The following CLVS1 variants were observed in gnomAD, a reference collection of about 807,000 sequenced individuals.
The protein encoded by CLVS1 is clavesin-1.
CLVS1 carries 10 observed loss-of-function variants against 33.1 expected under a neutral mutation model. The ratio of observed to expected loss-of-function variants is 0.30; its 90% confidence interval spans 0.19 to 0.51. The LOEUF is 0.51. Ranked by LOEUF, CLVS1 falls within the 20% of genes least tolerant of loss-of-function variation. The pLI is 0.97. For missense variants in CLVS1, 343 were observed against 433.4 expected (o/e 0.79, Z 1.85); for synonymous variants, 163 against 166.1 (o/e 0.98, Z 0.14).
At chr8:61,499,420 T>C (rs770100779) in intron 5 of CLVS1, 35 bp from the exon 6 acceptor site, 1 of 1,474,762 alleles carries the variant, frequency 6.8e-7, no homozygotes, top group Admixed American at 1.7e-5. Flanking sequence ...CATGAATTGT[T>C]TGTAATTCTG....
At chr8:61,045,626 T>C in the CLVS1 span, among the ~76,000 whole-genome samples, 1 of 152,218 alleles carries the variant, frequency 6.6e-6, no homozygotes, top group Non-Finnish European at 1.5e-5. Context: ...GTAGCTAATA[T>C]ACCTAGACGT....
chr8:61,128,605 C>A (rs1026109760), intron 1 of CLVS1, among the ~76,000 whole-genome samples: 2 of 152,230 alleles, frequency 1.3e-5, no homozygotes, highest in Non-Finnish European at 1.5e-5. Context: ...CCAAGTGTGA[C>A]ATCAGTCCCT....
intron 3 of CLVS1, among the ~76,000 whole-genome samples, chr8:61,382,891 A>C (rs904235307): frequency 6.6e-6 from 1 of 152,104 alleles, no homozygotes; most frequent in Non-Finnish European, 1.5e-5. Context: ...CGGTTTCCTC[A>C]TTTGTGAAAT....
intron 3 of CLVS1, among the ~76,000 whole-genome samples, chr8:61,432,115 A>G (rs756963190): frequency 1.3e-4 from 20 of 152,252 alleles, no homozygotes; most frequent in Non-Finnish European, 2.4e-4. Flanking sequence ...ATAAAAAAGT[A>G]TGCCTTAGAA....
At chr8:61,126,714 A>G (rs1805979606) in intron 1 of CLVS1, among the ~76,000 whole-genome samples, 1 of 152,190 alleles carries the variant, frequency 6.6e-6, no homozygotes. Flanking sequence ...GCTGAATCCA[A>G]GTGTTCAAAC....
intron 1 of CLVS1, among the ~76,000 whole-genome samples, chr8:61,116,456 T>C (rs28887610): frequency 0.02 from 3,036 of 152,180 alleles, 96 homozygotes; most frequent in African/African-American, 0.065. Context: ...ATGCCTATGT[T>C]CTGAAAGGTA....
chr8:61,196,702 G>T (rs1291357303), intron 2 of CLVS1, among the ~76,000 whole-genome samples: 1 of 152,228 alleles, frequency 6.6e-6, no homozygotes, highest in African/African-American at 2.4e-5. Context: ...AAACGTGTTT[G>T]TGGATTGCTG....
At chr8:61,123,882 T>C (rs193257323) in intron 1 of CLVS1, among the ~76,000 whole-genome samples, 15 of 152,268 alleles carry the variant, frequency 9.9e-5, no homozygotes, top group Non-Finnish European at 2.2e-4. Context: ...AAAAAGAGAG[T>C]TGGAGCATGG....
the CLVS1 span, among the ~76,000 whole-genome samples, chr8:61,040,461 T>A: frequency 6.6e-6 from 1 of 152,230 alleles, no homozygotes; most frequent in East Asian, 1.9e-4. Context: ...AACAGTGTTA[T>A]AAGCATTTTC....
chr8:61,335,807 A>G (rs1480669482), intron 2 of CLVS1, among the ~76,000 whole-genome samples: 1 of 152,222 alleles, frequency 6.6e-6, no homozygotes, highest in Non-Finnish European at 1.5e-5. Flanking sequence ...AACAGAGTAT[A>G]AAAGCTAGGG....
rs753951888 is a variant in CLVS1, at chr8:61,282,477, T to C, written c.-151-17200T>C. Among the ~76,000 whole-genome samples, 3 of 152,206 alleles carry C rather than the reference T, an allele frequency of 2.0e-5. No individual in the cohort carries two copies. The South Asian group carries it at 6.2e-4, about 31-fold the overall frequency. ...TAGCCTAATCCTTCTGGGATGCAGA[T>C]AATATAGCAGAACAGTGGGTTGGAG... is the stretch of plus-strand genomic sequence containing the variant. On this transcript the variant is annotated intron_variant, in intron 2 of 2. Transcript: ENST00000522621.
intron 2 of CLVS1, among the ~76,000 whole-genome samples, chr8:61,273,692 G>T (rs1232768102): frequency 1.3e-5 from 2 of 152,190 alleles, no homozygotes. Context: ...ATAATCTCGT[G>T]GTGCGCCGTG....
chr8:61,139,640 C>A (rs527993028), intron 2 of CLVS1, among the ~76,000 whole-genome samples: 5 of 151,580 alleles, frequency 3.3e-5, no homozygotes, highest in Admixed American at 3.3e-4. Context: ...AGGTGGAAGG[C>A]GACATCCCGG....
At chr8:61,281,963 C>T (rs1809678446) in intron 2 of CLVS1, among the ~76,000 whole-genome samples, 1 of 152,186 alleles carries the variant, frequency 6.6e-6, no homozygotes, top group Non-Finnish European at 1.5e-5. Context: ...AAGTTCTGTA[C>T]ACCTTTTGCA....
chr8:61,194,896 CACA>C (rs1807570668), intron 2 of CLVS1, among the ~76,000 whole-genome samples: 1 of 150,350 alleles, frequency 6.7e-6, no homozygotes, highest in East Asian at 1.9e-4. Flanking sequence ...GTTCTTTGAC[CACA>C]ACACCAGTAG....
intron 1 of CLVS1, among the ~76,000 whole-genome samples, chr8:61,072,574 C>T (rs1437537873): frequency 6.6e-6 from 1 of 152,184 alleles, no homozygotes; most frequent in Non-Finnish European, 1.5e-5. Flanking sequence ...TAAACAGATG[C>T]ATTTGTTAGT....
intron 2 of CLVS1, among the ~76,000 whole-genome samples, chr8:61,307,606 A>C (rs1414086004): frequency 6.6e-6 from 1 of 152,176 alleles, no homozygotes; most frequent in Non-Finnish European, 1.5e-5. Flanking sequence ...AATGCAAAAA[A>C]ATTCTTTATG....
At chr8:61,177,522 C>T (rs922832600) in intron 2 of CLVS1, among the ~76,000 whole-genome samples, 20 of 152,128 alleles carry the variant, frequency 1.3e-4, no homozygotes, top group Non-Finnish European at 2.1e-4. Context: ...CTATGCCACC[C>T]AACTGGGTGA....
In CLVS1 at chr8:61,251,084, G is replaced by T. The variant is rs182877762; in HGVS notation, c.-151-48593G>T. On this transcript the variant is annotated intron_variant, in intron 2 of 2. Coordinates refer to the CLVS1 transcript ENST00000522621. ...AATAACTCTTATTATTTTCAGATAC[G>T]TTCCATTGATACCTAGTTTATTGAG... Among the ~76,000 whole-genome samples the T allele has an allele frequency of 2.6e-5, 4 of 152,212 alleles. No individual in the cohort carries two copies. In the East Asian group the frequency reaches 7.7e-4, roughly 29 times the overall value.
Sources: allele counts gnomAD v4.1 joint callset (sites outside exome capture counted in the v4.1 genomes callset), GRCh38; gene constraint gnomAD v4.1.1; transcripts MANE v1.5; gene names NCBI Gene and HGNC (gene_info 2026-07-23, HGNC 2026-07-21).